MAPKAP1: variants seen among roughly 807,000 people sequenced by gnomAD.
The protein encoded by MAPKAP1 is target of rapamycin complex 2 subunit MAPKAP1.
Under a neutral mutation model 65.7 loss-of-function variants are expected in MAPKAP1, and 20 were observed. The ratio of observed to expected loss-of-function variants is 0.30; its 90% CI spans 0.21 to 0.44. The LOEUF (loss-of-function observed/expected upper bound fraction) is 0.44, where lower values mean the gene tolerates loss of function less well. Among genes scored for constraint, MAPKAP1 ranks in the 20% least tolerant of loss-of-function variants. MAPKAP1 has a pLI of 1.00. For missense variants in MAPKAP1, 423 were observed against 648.0 expected, an observed-to-expected ratio of 0.65 and a Z score of 3.77; for synonymous variants, 222 against 244.3, an observed-to-expected ratio of 0.91 and a Z score of 0.85.
chr9:125,483,827 A>G (rs1297273429), intron 9 of MAPKAP1, among the ~76,000 whole-genome samples: 1 of 152,204 alleles, frequency 6.6e-6, no homozygotes, highest in Non-Finnish European at 1.5e-5. Context: ...CACTTAACAC[A>G]GTGACTAATA....
chr9:125,494,993 G>C (rs917106411), intron 8 of MAPKAP1, among the ~76,000 whole-genome samples: 3 of 152,308 alleles, frequency 2.0e-5, no homozygotes, highest in African/African-American at 7.2e-5. Context: ...ACCCTTTACA[G>C]GATGAAGCAT....
At chr9:125,556,040 G>T (rs893116626) in intron 6 of MAPKAP1, among the ~76,000 whole-genome samples, 13 of 152,208 alleles carry the variant, frequency 8.5e-5, no homozygotes, top group Non-Finnish European at 1.3e-4. Context: ...TTCAGTTCTT[G>T]CTCTCCAAGG....
chr9:125,678,524 G>C (rs1400131180), intron 1 of MAPKAP1, among the ~76,000 whole-genome samples: 1 of 152,198 alleles, frequency 6.6e-6, no homozygotes, highest in Admixed American at 6.5e-5. Flanking sequence ...TTACAGGCGT[G>C]AGCCACCGCG....
At chr9:125,578,458 TA>T (rs1177403890) in intron 5 of MAPKAP1, among the ~76,000 whole-genome samples, 1 of 150,660 alleles carries the variant, frequency 6.6e-6, no homozygotes, top group Non-Finnish European at 1.5e-5. Flanking sequence ...AAAAAAAGCA[TA>T]AAAAAAGATA....
At chr9:125,637,081 C>T (rs898348179) in intron 4 of MAPKAP1, among the ~76,000 whole-genome samples, 2 of 152,030 alleles carry the variant, frequency 1.3e-5, no homozygotes, top group Non-Finnish European at 2.9e-5. Flanking sequence ...CCAGCCTGGC[C>T]AACATGGTGA....
chr9:125,550,166 T>C (rs1275089505), intron 6 of MAPKAP1, among the ~76,000 whole-genome samples: 1 of 152,224 alleles, frequency 6.6e-6, no homozygotes, highest in Admixed American at 6.5e-5. Flanking sequence ...AGACAGGATC[T>C]GGAAATCAAA....
chr9:125,467,832 A>G (rs1442162318), intron 10 of MAPKAP1, 140 bp downstream of exon 10: 1 of 923,914 alleles, frequency 1.1e-6, no homozygotes, highest in Non-Finnish European at 1.6e-6. Flanking sequence ...CCGTTTGATT[A>G]AAAGAAATTT....
rs1187966874 is a variant in MAPKAP1, at chr9:125,508,101, G to A, written c.959-1684C>T. 4.6e-5 allele frequency among the ~76,000 whole-genome samples: 7 copies of A among 152,292 alleles called. No individual in the cohort carries two copies. In the East Asian group the frequency reaches 1.2e-3, roughly 25 times the overall value. On this transcript the variant is annotated intron_variant, in intron 7 of 11. Transcript: ENST00000265960. ...GGATTGCTTGAGCCCAGGAGCTGGA[G>A]GCTCCAGTGAGCTATGATCATGCCA...
intron 4 of MAPKAP1, among the ~76,000 whole-genome samples, chr9:125,627,059 T>C (rs576090680): frequency 1.8e-4 from 27 of 152,294 alleles, no homozygotes; most frequent in African/African-American, 5.1e-4. Context: ...AGGATTCAAT[T>C]TAAAAAATCA....
intron 9 of MAPKAP1, among the ~76,000 whole-genome samples, chr9:125,474,582 C>T (rs951107005): frequency 6.6e-6 from 1 of 152,152 alleles, no homozygotes; most frequent in African/African-American, 2.4e-5. Context: ...GGTCTAGCTG[C>T]CTGGTGAGTT....
chr9:125,499,249 C>CA (rs1206116604), intron 8 of MAPKAP1, among the ~76,000 whole-genome samples: 2 of 152,186 alleles, frequency 1.3e-5, no homozygotes, highest in Non-Finnish European at 2.9e-5. Context: ...CTGTTCTAAT[C>CA]AAACATAGTA....
chr9:125,588,209 G>C (rs1321538235), intron 4 of MAPKAP1, among the ~76,000 whole-genome samples: 1 of 152,090 alleles, frequency 6.6e-6, no homozygotes, highest in East Asian at 1.9e-4. Flanking sequence ...CCATACAATA[G>C]AATATTATTC....
At chr9:125,668,772 A>G (rs1167970940) in intron 3 of MAPKAP1, among the ~76,000 whole-genome samples, 1 of 152,248 alleles carries the variant, frequency 6.6e-6, no homozygotes, top group East Asian at 1.9e-4. Flanking sequence ...TGGTTTTTAC[A>G]CTAAGGGAAA....
At chr9:125,698,307 AT>A (rs1564622472) in intron 1 of MAPKAP1, among the ~76,000 whole-genome samples, 35 of 53,214 alleles carry the variant, frequency 6.6e-4, no homozygotes, top group East Asian at 1.1e-3. Flanking sequence ...ATATATATAT[AT>A]ATATATATAT....
rs1834520025 is a variant in MAPKAP1 at position 125,672,304 on chromosome 9, C to T, written c.259+12G>A. On this transcript the variant is annotated intron_variant, in intron 2 of 11. Coordinates refer to ENST00000265960, the MANE Select transcript of MAPKAP1 (RefSeq NM_001006617.3). ...TAAAGCTCAGAAGACATGACTAGAA[C>T]ACAATGTTTACCTGTGTTTGAGCGT... is the stretch of plus-strand genomic sequence containing the variant. 1 of 1,613,216 alleles carries T rather than the reference C, an allele frequency of 6.2e-7. No homozygotes were observed. The highest frequency in any genetic ancestry group is 1.1e-5 in the South Asian group (1 of 91,012).
intron 4 of MAPKAP1, among the ~76,000 whole-genome samples, chr9:125,602,844 C>T (rs1012652698): frequency 3.3e-5 from 5 of 152,160 alleles, no homozygotes; most frequent in African/African-American, 1.2e-4. Context: ...GGCAACAGGG[C>T]AAGACCCTGT....
At chr9:125,580,576 C>T (rs1831589434) in intron 5 of MAPKAP1, among the ~76,000 whole-genome samples, 1 of 151,618 alleles carries the variant, frequency 6.6e-6, no homozygotes, top group Non-Finnish European at 1.5e-5. Context: ...AAGTGAAATA[C>T]CTATTGTAAA....
At chr9:125,634,081 C>T (rs1013778174) in intron 4 of MAPKAP1, among the ~76,000 whole-genome samples, 13 of 152,322 alleles carry the variant, frequency 8.5e-5, no homozygotes, top group African/African-American at 2.9e-4. Context: ...TTATCCATAT[C>T]GCTATTTGAC....
At chr9:125,537,017 G>A (rs955634202) in intron 7 of MAPKAP1, among the ~76,000 whole-genome samples, 1 of 152,132 alleles carries the variant, frequency 6.6e-6, no homozygotes, top group African/African-American at 2.4e-5. Context: ...CACTTCCCTC[G>A]TGCATTTAGA....
Sources: gnomAD v4.1 joint callset for allele counts (sites outside exome capture counted in the v4.1 genomes callset) on GRCh38, gnomAD v4.1.1 for gene constraint, MANE v1.5 for transcripts, NCBI Gene and HGNC (gene_info 2026-07-23, HGNC 2026-07-21) for gene names.